The following AHCYL2 variants were observed in gnomAD, a reference collection of about 807,000 sequenced individuals.
AHCYL2 encodes the protein S-adenosylhomocysteine hydrolase-like protein 2.
A neutral mutation model predicts 81.4 loss-of-function variants in AHCYL2; 28 were observed. The ratio of observed to expected loss-of-function variants is 0.34; its 90% CI spans 0.25 to 0.47. AHCYL2 has a LOEUF of 0.47. AHCYL2 is among the 20% of genes least tolerant of loss of function. AHCYL2 has a pLI of 1.00. For missense variants in AHCYL2, 551 were observed against 785.1 expected, an observed-to-expected ratio of 0.70 and a Z score of 3.56; for synonymous variants, 272 against 290.2, an observed-to-expected ratio of 0.94 and a Z score of 0.64.
Position 129,368,397 on chromosome 7 carries a change from A to G in AHCYL2, c.364-11241A>G, listed in dbSNP as rs1794206124. 1.3e-6 allele frequency: 2 copies of G among 1,593,214 alleles called. No individual in the cohort carries two copies. Among genetic ancestry groups the G allele is most frequent in the Non-Finnish European group, 8.5e-7 (1 of 1,170,124 alleles). ...TAGCCACTGTGAACTTCTGAATCTCACTAGGGTTGGGTCTGCTTTGGGGCA... is the reference window on the plus strand; with the variant it reads ...TAGCCACTGTGAACTTCTGAATCTCGCTAGGGTTGGGTCTGCTTTGGGGCA... On this transcript the variant is annotated intron_variant, in intron 1 of 16. Transcript: ENST00000325006. The surrounding 1 kb of genome is among the most constrained non-coding windows in gnomAD (Gnocchi z 4.4).
chr7:129,430,147 T>C lies in AHCYL2; in HGVS notation c.*3102T>C, dbSNP rs1797525881. The C allele has an allele frequency of 6.6e-6, 1 of 152,480 alleles. No individual in the cohort carries two copies. The highest frequency in any genetic ancestry group is 6.5e-5 in the Admixed American group (1 of 15,274). The allele number at this position is 152,480 out of a possible 1,614,324, so 9.4% of individuals were successfully genotyped here. ...CTTGGAAATCTTTATGTCTAAGTGATTGTATTAGATCAGCAATAATGACTA... is the reference window on the plus strand; with the variant it reads ...CTTGGAAATCTTTATGTCTAAGTGACTGTATTAGATCAGCAATAATGACTA... On this transcript the variant is annotated 3_prime_UTR_variant, in exon 17 of 17. Transcript: ENST00000325006.
intron 1 of AHCYL2, among the ~76,000 whole-genome samples, chr7:129,330,494 G>A (rs1367513326): frequency 7.0e-5 from 10 of 142,940 alleles, no homozygotes; most frequent in African/African-American, 2.4e-4. Flanking sequence ...TTTTTGAGAC[G>A]GAGTCTCACT....
intron 1 of AHCYL2, among the ~76,000 whole-genome samples, chr7:129,361,896 A>G (rs1193736404): frequency 6.6e-6 from 1 of 151,972 alleles, no homozygotes; most frequent in Admixed American, 6.6e-5. Flanking sequence ...TGCTTTGTTC[A>G]TATTAATTTA....
At chr7:129,308,568 C>CT (rs1257644271) in intron 1 of AHCYL2, among the ~76,000 whole-genome samples, 5 of 152,224 alleles carry the variant, frequency 3.3e-5, no homozygotes, top group South Asian at 2.1e-4. Flanking sequence ...ATTGAAGGTG[C>CT]TTTTTTTGTG....
rs1170349810 is a variant in AHCYL2 at position 129,419,733 on chromosome 7, GA to G, written c.1462-3095del. Among the ~76,000 whole-genome samples, 139 of 127,742 alleles carry G rather than the reference GA, an allele frequency of 1.1e-3. No individual in the cohort carries two copies. Among genetic ancestry groups the G allele is most frequent in the African/African-American group, 3.1e-3 (105 of 33,898 alleles). 83.8% of individuals were successfully genotyped at this position (127,742 alleles called of 152,430 possible). A position where few individuals can be genotyped will look rare whatever the true frequency, so the allele number is the denominator to read the frequency against. On this transcript the variant is annotated intron_variant, in intron 12 of 16. Coordinates refer to ENST00000325006, the MANE Select transcript of AHCYL2 (RefSeq NM_015328.4). This position sits in a 1 kb window ranked among gnomAD's most constrained non-coding sequence, Gnocchi z 4.7. The stretch of plus-strand genomic sequence containing the variant: ...GACTAGAACTACAGTTGTTCTCCCT[GA>G]AAAAAAAAAAACAAAAAAAAACCGG...
At chr7:129,319,999 TA>T (rs1224565984) in intron 1 of AHCYL2, among the ~76,000 whole-genome samples, 1 of 152,224 alleles carries the variant, frequency 6.6e-6, no homozygotes, top group Non-Finnish European at 1.5e-5. Flanking sequence ...AACTGGTTTT[TA>T]AATTGGTTGT....
chr7:129,249,196 C>A (rs1036121355), intron 1 of AHCYL2, among the ~76,000 whole-genome samples: 2 of 151,790 alleles, frequency 1.3e-5, no homozygotes, highest in African/African-American at 4.8e-5. Context: ...CAAGATCTTG[C>A]CATGTTGTCC....
chr7:129,354,188 A>C (rs1037550314), intron 1 of AHCYL2, among the ~76,000 whole-genome samples: 1 of 152,180 alleles, frequency 6.6e-6, no homozygotes, highest in Non-Finnish European at 1.5e-5. Context: ...AGAAGGTGAG[A>C]GAGAATTTGA....
intron 1 of AHCYL2, among the ~76,000 whole-genome samples, chr7:129,319,846 A>G (rs954573237): frequency 1.3e-5 from 2 of 152,186 alleles, no homozygotes; most frequent in African/African-American, 4.8e-5. Context: ...ATATGAGGCT[A>G]TTACAAATAA....
intron 2 of AHCYL2, among the ~76,000 whole-genome samples, chr7:129,381,836 C>A (rs1391888447): frequency 6.6e-6 from 1 of 152,194 alleles, no homozygotes; most frequent in African/African-American, 2.4e-5. Context: ...TCTCAGTGGT[C>A]TGAACTAATC....
intron 1 of AHCYL2, among the ~76,000 whole-genome samples, chr7:129,371,777 G>T (rs1314008877): frequency 6.6e-6 from 1 of 152,122 alleles, no homozygotes; most frequent in Non-Finnish European, 1.5e-5. Flanking sequence ...AGGAAATCTG[G>T]TTGATTGACT....
chr7:129,268,590 G>A (rs1795897428), intron 1 of AHCYL2, among the ~76,000 whole-genome samples: 1 of 152,110 alleles, frequency 6.6e-6, no homozygotes, highest in Admixed American at 6.6e-5. Flanking sequence ...CTGACCTTAG[G>A]ATCCACCCGC....
At chr7:129,390,960 G>A (rs1217952422) in intron 4 of AHCYL2, among the ~76,000 whole-genome samples, 2 of 151,570 alleles carry the variant, frequency 1.3e-5, no homozygotes, top group African/African-American at 4.9e-5. Context: ...AACATGTCCA[G>A]GTACATATAA....
chr7:129,245,150 G>A lies in AHCYL2; in HGVS notation c.363+19711G>A, dbSNP rs1192825605. Among the ~76,000 whole-genome samples the A allele has an allele frequency of 1.7e-4, 25 of 151,224 alleles. No homozygotes were observed. In the East Asian group the frequency reaches 4.5e-3, roughly 27 times the overall value. On this transcript the variant is annotated intron_variant, in intron 1 of 16. Coordinates refer to ENST00000325006, the MANE Select transcript of AHCYL2 (RefSeq NM_015328.4). Reference sequence around the variant, plus strand: ...AGTGATTCTCTTACTTCAGCCTCCCGAGTACCTGGGATTATAGGCGTGTAC... The same window carrying A: ...AGTGATTCTCTTACTTCAGCCTCCCAAGTACCTGGGATTATAGGCGTGTAC...
chr7:129,425,484 C>T (rs988509083), intron 15 of AHCYL2, among the ~76,000 whole-genome samples: 1 of 152,104 alleles, frequency 6.6e-6, no homozygotes, highest in African/African-American at 2.4e-5. Context: ...TGACATCTGA[C>T]TTACTCCAAT....
At chr7:129,396,581 C>G (rs1459397273) in intron 4 of AHCYL2, among the ~76,000 whole-genome samples, 1 of 152,062 alleles carries the variant, frequency 6.6e-6, no homozygotes, top group Non-Finnish European at 1.5e-5. Flanking sequence ...GCCACCATGC[C>G]TGGGTAATTT....
chr7:129,281,537 C>T (rs1304865473), intron 1 of AHCYL2, among the ~76,000 whole-genome samples: 2 of 141,838 alleles, frequency 1.4e-5, no homozygotes, highest in Non-Finnish European at 3.0e-5. Flanking sequence ...CCCTCTGTCA[C>T]CCAGGCTAGA....
intron 14 of AHCYL2, 45 bp downstream of exon 14, chr7:129,424,987 C>CA: frequency 6.2e-7 from 1 of 1,613,406 alleles, no homozygotes; most frequent in East Asian, 2.2e-5. Flanking sequence ...AGAAGGTCCT[C>CA]AGACCCACCA....
intron 6 of AHCYL2, among the ~76,000 whole-genome samples, chr7:129,403,075 CA>C (rs1442123584): frequency 4.0e-5 from 6 of 151,774 alleles, no homozygotes; most frequent in African/African-American, 1.5e-4. Flanking sequence ...TACAAGTTAC[CA>C]ATCCATAAGA....
Sources: gnomAD v4.1 joint callset for allele counts (sites outside exome capture counted in the v4.1 genomes callset) on GRCh38, gnomAD v4.1.1 for gene constraint, Gnocchi (gnomAD v3.1) non-coding constraint, MANE v1.5 for transcripts, NCBI Gene and HGNC (gene_info 2026-07-23, HGNC 2026-07-21) for gene names.